RHD: variants seen among roughly 807,000 people sequenced by gnomAD.
The protein encoded by RHD is Rh blood group D antigen.
RHD carries 16 observed loss-of-function variants against 45.5 expected under a neutral mutation model. That is an observed-to-expected ratio of 0.35 (90% CI 0.24 to 0.53). The LOEUF (loss-of-function observed/expected upper bound fraction) is 0.53. Ranked by LOEUF, RHD falls within the 20% of genes least tolerant of loss-of-function variation. RHD has a pLI of 0.92. For synonymous variants in RHD, 131 were observed against 217.5 expected, an observed-to-expected ratio of 0.60 and a Z score of 3.50; for missense variants, 306 against 532.0, an observed-to-expected ratio of 0.58 and a Z score of 4.18.
rs878981767 is a variant in RHD at position 25,281,425 on chromosome 1, G to A, written c.149-3148G>A. Among the ~76,000 whole-genome samples, 35 of 131,850 alleles carry A rather than the reference G, an allele frequency of 2.7e-4. 4 individuals carry two copies. Among genetic ancestry groups the A allele is most frequent in the South Asian group, 2.1e-3 (9 of 4,306 alleles). 86.5% of individuals were successfully genotyped at this position (131,850 alleles called of 152,430 possible). A position where few individuals can be genotyped will look rare whatever the true frequency, so the allele number is the denominator to read the frequency against. On this transcript the variant is annotated intron_variant, in intron 1 of 9. Transcript: ENST00000328664. ...CTCATGGAATCTTCAATAAGTCTGG[G>A]CCCTATGCATATAGCATTGCTACAA...
rs750782245 is a variant in RHD at position 25,328,999 on chromosome 1, G to C, written c.*75G>C. 3.9e-5 allele frequency: 54 copies of C among 1,375,580 alleles called. 15 individuals carry two copies. The highest frequency in any genetic ancestry group is 5.7e-5 in the African/African-American group (4 of 70,556). The allele number at this position is 1,375,580 out of a possible 1,614,324, so 85.2% of individuals were successfully genotyped here. A position where few individuals can be genotyped will look rare whatever the true frequency, so the allele number is the denominator to read the frequency against. ...CTCTCACTGTTGCCTGCATTTGTAC[G>C]TGAGAAACGCTCATGACAGCAAAGT... On this transcript the variant is annotated 3_prime_UTR_variant, in exon 10 of 10. Coordinates refer to ENST00000328664, the MANE Select transcript of RHD (RefSeq NM_016124.6).
intron 5 of RHD, among the ~76,000 whole-genome samples, chr1:25,302,716 A>G (rs1643487111): frequency 7.6e-6 from 1 of 131,062 alleles, no homozygotes; most frequent in Admixed American, 7.4e-5. Flanking sequence ...AATAATAATA[A>G]TAAAAACAAT....
chr1:25,302,199 G>A lies in RHD; in HGVS notation c.801+513G>A, dbSNP rs1329555847. Among the ~76,000 whole-genome samples the A allele has an allele frequency of 2.3e-5, 3 of 131,200 alleles. 1 individual carries two copies. The highest frequency in any genetic ancestry group is 5.4e-5 in the Non-Finnish European group (3 of 55,778). 86.1% of individuals were successfully genotyped at this position (131,200 alleles called of 152,430 possible). On this transcript the variant is annotated intron_variant, in intron 5 of 9. Coordinates refer to ENST00000328664, the MANE Select transcript of RHD (RefSeq NM_016124.6). ...AGATGGTGCATGTAAAGTGCTTAACGGGGAGTAAATGGTAGGCAAACATTA... is the reference window on the plus strand; with the variant it reads ...AGATGGTGCATGTAAAGTGCTTAACAGGGAGTAAATGGTAGGCAAACATTA...
In RHD at chr1:25,306,750, C is replaced by G; in HGVS notation, c.1073+21C>G. 16 of 1,374,494 alleles carry G rather than the reference C, an allele frequency of 1.2e-5. 4 individuals carry two copies. Among genetic ancestry groups the G allele is most frequent in the Non-Finnish European group, 1.6e-5 (16 of 976,112 alleles). The allele number at this position is 1,374,494 out of a possible 1,614,324, so 85.1% of individuals were successfully genotyped here. On this transcript the variant is annotated intron_variant, in intron 7 of 9. Coordinates refer to ENST00000328664, the MANE Select transcript of RHD (RefSeq NM_016124.6). ...GGCATGTGGGTCACTGGGCTTACCC[C>G]CCATCCCCTTAACACTCCCCTCCAA...
chr1:25,296,316 G>C (rs182735391), intron 3 of RHD, among the ~76,000 whole-genome samples: 1 of 124,254 alleles, frequency 8.0e-6, no homozygotes, highest in Non-Finnish European at 1.9e-5. Context: ...GTGTGATCTC[G>C]GCTCACTGCA....
At chr1:25,293,217 C>T (rs2124649703) in intron 3 of RHD, among the ~76,000 whole-genome samples, 1 of 129,582 alleles carries the variant, frequency 7.7e-6, no homozygotes. Context: ...AGCAGGAGGG[C>T]AATAATCCGA....
chr1:25,322,217 C>T (rs1644747445), intron 9 of RHD, among the ~76,000 whole-genome samples: 1 of 132,144 alleles, frequency 7.6e-6, no homozygotes, highest in African/African-American at 2.6e-5. Flanking sequence ...ACAGCTTTCA[C>T]TGGCCACACT....
Position 25,286,963 on chromosome 1 carries a change from G to C in RHD, c.335+2204G>C, listed in dbSNP as rs1642072784. Among the ~76,000 whole-genome samples, 2 of 133,350 alleles carry C rather than the reference G, an allele frequency of 1.5e-5. 1 individual carries two copies. Among genetic ancestry groups the C allele is most frequent in the African/African-American group, 5.2e-5 (2 of 38,214 alleles). 87.5% of individuals were successfully genotyped at this position (133,350 alleles called of 152,430 possible). A position where few individuals can be genotyped will look rare whatever the true frequency, so the allele number is the denominator to read the frequency against. ...CAAAAATTAGCTGGGTGTGGCGGCAGGCACCTGTAATCCCAGCTACTTGGG... is the reference window on the plus strand; with the variant it reads ...CAAAAATTAGCTGGGTGTGGCGGCACGCACCTGTAATCCCAGCTACTTGGG... On this transcript the variant is annotated intron_variant, in intron 2 of 9. Coordinates refer to ENST00000328664, the MANE Select transcript of RHD (RefSeq NM_016124.6).
At chr1:25,299,053 A>G (rs1159700845) in intron 3 of RHD, among the ~76,000 whole-genome samples, 2 of 112,318 alleles carry the variant, frequency 1.8e-5, no homozygotes, top group Non-Finnish European at 4.2e-5. Flanking sequence ...CGCTGTTTAG[A>G]ATTGTCAGCA....
intron 1 of RHD, among the ~76,000 whole-genome samples, chr1:25,274,128 T>C (rs1480128654): frequency 7.5e-6 from 1 of 132,790 alleles, no homozygotes. Context: ...GAGCACTTAC[T>C]ATGTACCAGG....
chr1:25,297,689 A>G (rs1643068738), intron 3 of RHD, among the ~76,000 whole-genome samples: 1 of 131,770 alleles, frequency 7.6e-6, no homozygotes, highest in Non-Finnish European at 1.8e-5. Flanking sequence ...ACACACTTCC[A>G]TTTTCTGCCT....
chr1:25,277,583 T>C (rs1641120705), intron 1 of RHD, among the ~76,000 whole-genome samples: 1 of 130,522 alleles, frequency 7.7e-6, no homozygotes, highest in Non-Finnish European at 1.8e-5. Flanking sequence ...TCTGCCTCTG[T>C]TTCTACTTCT....
chr1:25,284,992 A>C (rs1244320876), intron 2 of RHD, among the ~76,000 whole-genome samples: 1 of 135,102 alleles, frequency 7.4e-6, no homozygotes, highest in South Asian at 2.2e-4. Flanking sequence ...CCAGGCCTAC[A>C]TTCCTCCTGC....
At position 25,329,150 on chromosome 1, in the gene RHD, A is replaced by T; in HGVS notation, c.*226A>T. ...ATACAACAATAAAATACAGCCATGT[A>T]CCACATAACAACATCTTGGTAAACA... On this transcript the variant is annotated 3_prime_UTR_variant, in exon 10 of 10. Transcript: ENST00000328664. The T allele has an allele frequency of 4.7e-6, 5 of 1,054,158 alleles. No individual in the cohort carries two copies. Among genetic ancestry groups the T allele is most frequent in the Non-Finnish European group, 7.0e-6 (5 of 710,702 alleles). The allele number at this position is 1,054,158 out of a possible 1,614,324, so 65.3% of individuals were successfully genotyped here.
rs557882258 is a variant in RHD at position 25,283,304 on chromosome 1, G to T, written c.149-1269G>T. On this transcript the variant is annotated intron_variant, in intron 1 of 9. Transcript: ENST00000328664. ...CCATCACTTTGGGAAACCGAGGTGGGCAGATCACTTGAGGTCAGGAGTTCG... is the reference window on the plus strand; with the variant it reads ...CCATCACTTTGGGAAACCGAGGTGGTCAGATCACTTGAGGTCAGGAGTTCG... 3.8e-5 allele frequency among the ~76,000 whole-genome samples: 5 copies of T among 132,088 alleles called. No homozygotes were observed. The East Asian group carries it at 9.8e-4, about 26-fold the overall frequency. 86.7% of individuals were successfully genotyped at this position (132,088 alleles called of 152,430 possible). A position where few individuals can be genotyped will look rare whatever the true frequency, so the allele number is the denominator to read the frequency against.
chr1:25,275,195 GA>G (rs1353852208), intron 1 of RHD, among the ~76,000 whole-genome samples: 1 of 131,732 alleles, frequency 7.6e-6, no homozygotes, highest in Non-Finnish European at 1.8e-5. Flanking sequence ...GAAGCTGAGG[GA>G]GGAGAATTGC....
intron 3 of RHD, among the ~76,000 whole-genome samples, chr1:25,295,797 T>A (rs2986163): frequency 0.82 from 79,310 of 97,284 alleles, 33,962 homozygotes; most frequent in South Asian, 0.91. Flanking sequence ...TCAAGGGAGC[T>A]GGGGATGTTT....
At chr1:25,322,555 C>A (rs1303353232) in intron 9 of RHD, among the ~76,000 whole-genome samples, 1 of 132,320 alleles carries the variant, frequency 7.6e-6, no homozygotes, top group Non-Finnish European at 1.8e-5. Context: ...TGCCTGTAAT[C>A]CCAGTTACTC....
At chr1:25,274,745 G>A (rs572823309) in intron 1 of RHD, among the ~76,000 whole-genome samples, 5 of 134,098 alleles carry the variant, frequency 3.7e-5, no homozygotes, top group East Asian at 1.9e-4. Context: ...CGTGGCTCAC[G>A]CCTGTAATCC....
Sources: gnomAD v4.1 joint callset for allele counts (sites outside exome capture counted in the v4.1 genomes callset) on GRCh38, gnomAD v4.1.1 for gene constraint, MANE v1.5 for transcripts, NCBI Gene and HGNC (gene_info 2026-07-23, HGNC 2026-07-21) for gene names.